The following ACTN4 variants were observed in gnomAD, a reference collection of about 807,000 sequenced individuals.
ACTN4 encodes the protein alpha-actinin-4.
In ACTN4, 18 loss-of-function variants were observed where a neutral mutation model predicts 114.2. The observed-to-expected ratio is 0.16, with a 90% confidence interval of 0.11 to 0.23. ACTN4 has a LOEUF of 0.23. Among genes scored for constraint, ACTN4 ranks in the 10% least tolerant of loss-of-function variants. The pLI is 1.00. For missense variants in ACTN4, 722 were observed against 1,262.9 expected (o/e 0.57, Z 6.49); for synonymous variants, 515 against 506.3 (o/e 1.02, Z -0.23).
At chr19:38,700,470 G>A (rs1968234468) in intron 1 of ACTN4, 130 bp from the exon 2 acceptor site, 1 of 762,202 alleles carries the variant, frequency 1.3e-6, no homozygotes, top group Admixed American at 1.9e-5. Context: ...GCCATGTACG[G>A]TGTGTGTCGG....
chr19:38,726,030 G>C, intron 17 of ACTN4, 127 bp downstream of exon 17: 1 of 1,323,492 alleles, frequency 7.6e-7, no homozygotes, highest in Non-Finnish European at 1.1e-6. Flanking sequence ...AAAAATTATT[G>C]AAGAGACCAG....
At chr19:38,694,371 T>G (rs1444962412) in intron 1 of ACTN4, among the ~76,000 whole-genome samples, 3 of 151,884 alleles carry the variant, frequency 2.0e-5, no homozygotes, top group Non-Finnish European at 4.4e-5. Flanking sequence ...GCGATTCTCC[T>G]GTCTCAGCTT....
chr19:38,655,776 C>T (rs1468331410), intron 1 of ACTN4, among the ~76,000 whole-genome samples: 1 of 152,218 alleles, frequency 6.6e-6, no homozygotes, highest in Non-Finnish European at 1.5e-5. Context: ...CCAAAATCCA[C>T]AGATGCTCAA....
rs1046000863 is a variant in ACTN4, at chr19:38,730,547, CTTTT to C, written c.*1119_*1122del. The stretch of plus-strand genomic sequence containing the variant: ...TTAAGAAGGATTCCTGCAGCATCAT[CTTTT>C]TTTATTTCTCCTGTGTCTGTCCTCC... On this transcript the variant is annotated 3_prime_UTR_variant, in exon 21 of 21. Transcript: ENST00000252699. The C allele has an allele frequency of 1.1e-5, 5 of 466,268 alleles. No individual in the cohort carries two copies. Among genetic ancestry groups the C allele is most frequent in the African/African-American group, 1.9e-5 (1 of 51,604 alleles). The allele number at this position is 466,268 out of a possible 1,614,324, so 28.9% of individuals were successfully genotyped here. A position where few individuals can be genotyped will look rare whatever the true frequency, so the allele number is the denominator to read the frequency against.
At chr19:38,673,517 T>TCATATATATTTATATATATATATA (rs1555826155) in intron 1 of ACTN4, among the ~76,000 whole-genome samples, 1 of 80,392 alleles carries the variant, frequency 1.2e-5, no homozygotes, top group Non-Finnish European at 2.6e-5. Context: ...GAATATATAT[T>TCATATATATTTATATATATATATA]TATATATATT....
chr19:38,696,561 C>T (rs1968099671), intron 1 of ACTN4, among the ~76,000 whole-genome samples: 1 of 152,174 alleles, frequency 6.6e-6, no homozygotes, highest in Non-Finnish European at 1.5e-5. Flanking sequence ...ATTCGAACTC[C>T]AGCTCCTACT....
intron 11 of ACTN4, among the ~76,000 whole-genome samples, chr19:38,719,981 C>T (rs1036905103): frequency 6.6e-6 from 1 of 152,250 alleles, no homozygotes; most frequent in Non-Finnish European, 1.5e-5. Context: ...CCTGACTGGG[C>T]ATCCACGCGG....
intron 12 of ACTN4, chr19:38,721,921 G>T (rs990452619): frequency 1.5e-6 from 1 of 648,300 alleles, no homozygotes; most frequent in African/African-American, 1.8e-5. Flanking sequence ...TCTAGCAGGA[G>T]GGAGGTGTCT....
chr19:38,673,206 G>A lies in ACTN4; in HGVS notation c.162+25299G>A, dbSNP rs937454378. 1.3e-4 allele frequency among the ~76,000 whole-genome samples: 19 copies of A among 150,146 alleles called. 1 individual carries two copies. The highest frequency in any genetic ancestry group is 4.2e-4 in the South Asian group (2 of 4,760). ...GATCCCCCCACCTCAGCCTCCCAAA[G>A]TGCTAGGATTACAGGCATGAGCCAC... On this transcript the variant is annotated intron_variant, in intron 1 of 20. Transcript: ENST00000252699.
At chr19:38,667,935 A>G (rs1967014719) in intron 1 of ACTN4, among the ~76,000 whole-genome samples, 1 of 152,234 alleles carries the variant, frequency 6.6e-6, no homozygotes, top group Non-Finnish European at 1.5e-5. Context: ...TGAAGGCATT[A>G]ATGCAAAATA....
rs866229317 is a variant in ACTN4, at chr19:38,673,598, C to A, written c.162+25691C>A. The stretch of plus-strand genomic sequence containing the variant: ...ATATTCATATATATTTATATATATT[C>A]ATATATATTCATTTATATTTATATA... On this transcript the variant is annotated intron_variant, in intron 1 of 20. Transcript: ENST00000252699. 8.4e-4 allele frequency among the ~76,000 whole-genome samples: 42 copies of A among 50,060 alleles called. 2 individuals are homozygous for A. Among genetic ancestry groups the A allele is most frequent in the Non-Finnish European group, 1.7e-3 (36 of 21,208 alleles). 32.8% of individuals were successfully genotyped at this position (50,060 alleles called of 152,430 possible). A position where few individuals can be genotyped will look rare whatever the true frequency, so the allele number is the denominator to read the frequency against.
intron 1 of ACTN4, among the ~76,000 whole-genome samples, chr19:38,689,844 T>A (rs1249291307): frequency 6.6e-6 from 1 of 152,162 alleles, no homozygotes; most frequent in Non-Finnish European, 1.5e-5. Flanking sequence ...CGGCTACTTT[T>A]TGTATTATTA....
chr19:38,726,922 A>G, intron 17 of ACTN4, 35 bp from the exon 18 acceptor site: 2 of 1,612,366 alleles, frequency 1.2e-6, no homozygotes, highest in Non-Finnish European at 1.7e-6. Flanking sequence ...AGTTCACAGC[A>G]CCCGGCCCAC....
chr19:38,716,987 C>T, intron 9 of ACTN4, 99 bp from the exon 10 acceptor site: 2 of 1,355,772 alleles, frequency 1.5e-6, no homozygotes, highest in South Asian at 1.2e-5. Flanking sequence ...AGGTGGGGCC[C>T]TCAAAGATCC....
At chr19:38,655,553 G>C (rs1198978505) in intron 1 of ACTN4, among the ~76,000 whole-genome samples, 2 of 152,180 alleles carry the variant, frequency 1.3e-5, no homozygotes, top group African/African-American at 4.8e-5. Flanking sequence ...GGGCAGGGCA[G>C]CACCTTGTCC....
intron 2 of ACTN4, 127 bp from the exon 3 acceptor site, chr19:38,700,875 C>T: frequency 2.7e-6 from 4 of 1,456,790 alleles, no homozygotes; most frequent in Non-Finnish European, 3.8e-6. Context: ...CCAGAGTGGC[C>T]TGGTGGGCCA....
At chr19:38,696,457 G>A (rs908179853) in intron 1 of ACTN4, among the ~76,000 whole-genome samples, 4 of 152,088 alleles carry the variant, frequency 2.6e-5, no homozygotes, top group East Asian at 3.9e-4. Context: ...TCCACCCCAC[G>A]CAGCGTAGTC....
intron 1 of ACTN4, among the ~76,000 whole-genome samples, chr19:38,656,780 T>TC (rs949605667): frequency 8.6e-5 from 13 of 152,022 alleles, no homozygotes; most frequent in African/African-American, 2.4e-4. Context: ...TTTTAAAGTT[T>TC]CCCCCCCAAA....
intron 9 of ACTN4, among the ~76,000 whole-genome samples, chr19:38,715,958 A>G (rs1264961495): frequency 3.3e-5 from 5 of 152,104 alleles, no homozygotes; most frequent in African/African-American, 9.7e-5. Context: ...CTGGAGTGCA[A>G]TGGCACGACC....
Sources: gnomAD v4.1 joint callset for allele counts (sites outside exome capture counted in the v4.1 genomes callset) on GRCh38, gnomAD v4.1.1 for gene constraint, MANE v1.5 for transcripts, NCBI Gene and HGNC (gene_info 2026-07-23, HGNC 2026-07-21) for gene names.